DRC11L: variants seen among roughly 807,000 people sequenced by gnomAD.
DRC11L encodes the protein dynein regulatory complex subunit 11 like, also known as dynein regulatory complex subunit like-11.
chr7:151,198,833 C>A, the DRC11L span: 26 of 399,104 alleles, frequency 6.5e-5, no homozygotes, highest in Middle Eastern at 6.3e-4. Flanking sequence ...TTTGCTCCTT[C>A]ATTTTCTCCT....
At chr7:151,203,440 T>C in the DRC11L span, 14 of 398,906 alleles carry the variant, frequency 3.5e-5, no homozygotes, top group East Asian at 4.6e-4. Flanking sequence ...TCTCGGCCAG[T>C]ATCAGCCCTC....
At chr7:151,192,318 G>A in the DRC11L span, 10 of 399,112 alleles carry the variant, frequency 2.5e-5, no homozygotes, top group African/African-American at 6.2e-5. Context: ...AAGAGGATCC[G>A]CTCGTAGACC....
chr7:151,201,347 G>A, the DRC11L span, among the ~76,000 whole-genome samples: 2 of 152,160 alleles, frequency 1.3e-5, no homozygotes, highest in Non-Finnish European at 2.9e-5. The surrounding 1 kb of genome is among the most constrained non-coding windows in gnomAD (Gnocchi z 4.1). Context: ...CAATATTTCT[G>A]TACTCTTGAT....
chr7:151,190,941 C>T, the DRC11L span: 1 of 399,672 alleles, frequency 2.5e-6, no homozygotes, highest in African/African-American at 2.1e-5. Flanking sequence ...ACTGCCCTGT[C>T]CCACGCCACT....
the DRC11L span, chr7:151,191,980 T>C: frequency 2.5e-6 from 1 of 398,310 alleles, no homozygotes; most frequent in Non-Finnish European, 4.4e-6. Context: ...AGTTTTGTGC[T>C]CCGGGGAGCA....
At chr7:151,198,736 C>T in the DRC11L span, 3 of 398,832 alleles carry the variant, frequency 7.5e-6, no homozygotes, top group East Asian at 1.1e-4. Flanking sequence ...CAGGAGCAGC[C>T]CTGAGGGACC....
At chr7:151,196,646 CGTGCACACAGACACATGT>C in the DRC11L span, 1 of 399,094 alleles carries the variant, frequency 2.5e-6, no homozygotes, top group Non-Finnish European at 4.4e-6. Context: ...TGCACACATA[CGTGCACACAGACACATGT>C]GTGCACACAG....
At chr7:151,203,083 A>G in the DRC11L span, 1 of 399,158 alleles carries the variant, frequency 2.5e-6, no homozygotes, top group South Asian at 1.3e-4. Context: ...AGTCCGGTGC[A>G]TTCCTGTAAA....
At chr7:151,190,954 T>G in the DRC11L span, 1 of 399,984 alleles carries the variant, frequency 2.5e-6, no homozygotes, top group Non-Finnish European at 4.4e-6. Context: ...ACGCCACTAA[T>G]CTCAGGTGCC....
the DRC11L span, chr7:151,191,638 C>T: frequency 1.6e-4 from 62 of 399,208 alleles, no homozygotes; most frequent in Non-Finnish European, 2.3e-4. Flanking sequence ...GCCACCTCAC[C>T]TTCAGGGACT....
At chr7:151,198,348 G>A in the DRC11L span, among the ~76,000 whole-genome samples, 2 of 151,706 alleles carry the variant, frequency 1.3e-5, no homozygotes, top group Non-Finnish European at 2.9e-5. Flanking sequence ...ACAGATGGAA[G>A]GATAGATAGA....
the DRC11L span, chr7:151,203,256 G>T: frequency 2.5e-6 from 1 of 398,248 alleles, no homozygotes; most frequent in East Asian, 3.6e-5. Context: ...GTTACCATCA[G>T]CAGAAGAACA....
chr7:151,200,333 T>C, the DRC11L span: 1 of 399,324 alleles, frequency 2.5e-6, no homozygotes, highest in Non-Finnish European at 4.4e-6. Context: ...GGCCCTGCCC[T>C]GGCCAGCCCT....
At chr7:151,202,166 C>T in the DRC11L span, among the ~76,000 whole-genome samples, 1 of 152,186 alleles carries the variant, frequency 6.6e-6, no homozygotes, top group Non-Finnish European at 1.5e-5. Flanking sequence ...ACCCAGAAGG[C>T]ACAGAGTTTG....
chr7:151,191,448 G>A, the DRC11L span, among the ~76,000 whole-genome samples: 190 of 152,304 alleles, frequency 1.2e-3, 1 homozygote, highest in African/African-American at 4.5e-3. Flanking sequence ...GGGAAACCAG[G>A]TGGGACGGCC....
the DRC11L span, among the ~76,000 whole-genome samples, chr7:151,201,129 G>A: frequency 6.6e-6 from 1 of 152,248 alleles, no homozygotes; most frequent in Non-Finnish European, 1.5e-5. The surrounding 1 kb of genome is among the most constrained non-coding windows in gnomAD (Gnocchi z 4.1). Context: ...GGGACGCTGG[G>A]CAGAGGAAGG....
the DRC11L span, among the ~76,000 whole-genome samples, chr7:151,202,407 G>A: frequency 1.3e-5 from 2 of 152,134 alleles, no homozygotes; most frequent in East Asian, 1.9e-4. Context: ...TGCTATTATG[G>A]ATCTTTCTTC....
the DRC11L span, chr7:151,198,928 G>A: frequency 3.6e-4 from 145 of 399,128 alleles, no homozygotes; most frequent in Middle Eastern, 6.3e-4. Context: ...TCCATCTGGC[G>A]GAGCCTCTGG....
the DRC11L span, chr7:151,194,226 C>G: frequency 2.5e-6 from 1 of 398,894 alleles, no homozygotes; most frequent in Admixed American, 4.4e-5. Flanking sequence ...CTGCCCAGAG[C>G]TGGCTCCTCA....
Sources: gnomAD v4.1 joint callset for allele counts (sites outside exome capture counted in the v4.1 genomes callset) on GRCh38, gnomAD v4.1.1 for gene constraint, Gnocchi (gnomAD v3.1) non-coding constraint, MANE v1.5 for transcripts, NCBI Gene and HGNC (gene_info 2026-07-23, HGNC 2026-07-21) for gene names.